The following ELF1 variants were observed in gnomAD, a reference collection of about 807,000 sequenced individuals.
ELF1 encodes E74 like ETS transcription factor 1.
ELF1 carries 24 observed loss-of-function variants against 59.9 expected under a neutral mutation model. The observed-to-expected ratio is 0.40, with a 90% CI of 0.29 to 0.56. The LOEUF (loss-of-function observed/expected upper bound fraction) is 0.56, where lower values mean the gene tolerates loss of function less well. ELF1 is among the 20% of genes least tolerant of loss of function. The probability of loss-of-function intolerance (pLI) is 0.44; values close to 1 mark genes in which losing one functional copy is unlikely to be tolerated. For missense variants in ELF1, 627 were observed against 742.2 expected, an observed-to-expected ratio of 0.84 and a Z score of 1.80; for synonymous variants, 248 against 266.2, an observed-to-expected ratio of 0.93 and a Z score of 0.67.
At chr13:41,031,250 T>C (rs1321156056) in intron 1 of ELF1, among the ~76,000 whole-genome samples, 1 of 152,188 alleles carries the variant, frequency 6.6e-6, no homozygotes, top group Non-Finnish European at 1.5e-5. Flanking sequence ...CTGTCAATTT[T>C]GTACAAGTCT....
At chr13:41,014,549 C>T (rs1875248141) in intron 1 of ELF1, among the ~76,000 whole-genome samples, 1 of 152,074 alleles carries the variant, frequency 6.6e-6, no homozygotes, top group Non-Finnish European at 1.5e-5. Context: ...TTATAGTATA[C>T]AGCTCATTTG....
chr13:40,943,207 A>G, intron 6 of ELF1, 63 bp from the exon 7 acceptor site: 1 of 1,389,204 alleles, frequency 7.2e-7, no homozygotes, highest in Non-Finnish European at 9.5e-7. Flanking sequence ...CTCAAAAAAG[A>G]CAACTAAAAG....
intron 1 of ELF1, among the ~76,000 whole-genome samples, chr13:40,985,623 C>G (rs1480924547): frequency 6.6e-5 from 10 of 152,142 alleles, no homozygotes; most frequent in Non-Finnish European, 1.5e-5. Context: ...AGTCACTAAA[C>G]TATAAGACAA....
At chr13:41,015,996 A>G (rs538761086) in intron 1 of ELF1, among the ~76,000 whole-genome samples, 1 of 152,328 alleles carries the variant, frequency 6.6e-6, no homozygotes, top group African/African-American at 2.4e-5. Flanking sequence ...ACTCTTCTTA[A>G]CATAGGTAAA....
chr13:41,051,996 A>C (rs963785290), intron 1 of ELF1, among the ~76,000 whole-genome samples: 1 of 143,020 alleles, frequency 7.0e-6, no homozygotes, highest in Non-Finnish European at 1.5e-5. Context: ...GCTAGAGTGC[A>C]ATGGCATGAT....
upstream of ELF1, among the ~76,000 whole-genome samples, chr13:41,019,549 T>A (rs1229126173): frequency 6.6e-6 from 1 of 152,088 alleles, no homozygotes; most frequent in African/African-American, 2.4e-5. Context: ...AACAATAAAA[T>A]AGAGTAAGAA....
chr13:40,933,474 G>A lies in ELF1; in HGVS notation c.1811C>T (p.Ser604Phe), dbSNP rs779275273. ...TTCGTTTTGTTTCATAGCTACCTGA[G>A]AAGTAAATCCATTGGAACTGGACAC... Reference protein sequence around the residue: ...MVVSSSNGFTSQVAMKQNELL... With the variant: ...MVVSSSNGFTFQVAMKQNELL... The change falls in exon 9 of 9, where the codon TCT becomes TTT. Residue 604 changes from serine to phenylalanine, a missense_variant. Coordinates refer to ENST00000239882, the MANE Select transcript of ELF1 (RefSeq NM_172373.4). 4 of 1,614,182 alleles carry A rather than the reference G, an allele frequency of 2.5e-6. No individual in the cohort carries two copies. In the South Asian group the frequency reaches 4.4e-5, roughly 18 times the overall value.
At chr13:40,986,938 T>TTTC in intron 1 of ELF1, among the ~76,000 whole-genome samples, 1 of 1,260 alleles carries the variant, frequency 7.9e-4, no homozygotes, top group South Asian at 0.015. Flanking sequence ...ATCATTGCTC[T>TTTC]TTTTTTTTTT....
intron 2 of ELF1, among the ~76,000 whole-genome samples, chr13:40,981,066 T>C (rs1024209251): frequency 5.9e-5 from 9 of 152,000 alleles, no homozygotes; most frequent in Admixed American, 1.3e-4. Context: ...GTAAGAATTT[T>C]ATTATTTGTA....
chr13:41,016,947 AATATATATATATATATATATAT>A (rs1276103107), intron 1 of ELF1, among the ~76,000 whole-genome samples: 9 of 24,738 alleles, frequency 3.6e-4, no homozygotes, highest in South Asian at 1.9e-3. Context: ...AAAAAAAAAA[AATATATATATATATATATATAT>A]ATATATATAT....
At chr13:41,024,488 T>C (rs1177947754) in intron 1 of ELF1, among the ~76,000 whole-genome samples, 3 of 152,284 alleles carry the variant, frequency 2.0e-5, no homozygotes, top group Admixed American at 6.5e-5. Context: ...AATGTGGTTA[T>C]TTTTTGTATT....
At chr13:40,955,871 C>T (rs1428688086) in intron 3 of ELF1, among the ~76,000 whole-genome samples, 2 of 121,178 alleles carry the variant, frequency 1.7e-5, no homozygotes, top group African/African-American at 3.4e-5. Context: ...CCCCTCCGCC[C>T]GGCCAGCCAC....
chr13:41,021,322 C>T (rs1314022096), upstream of ELF1, among the ~76,000 whole-genome samples: 1 of 152,170 alleles, frequency 6.6e-6, no homozygotes, highest in Non-Finnish European at 1.5e-5. Context: ...AATAATTACA[C>T]CTCTTCAACA....
At chr13:41,053,730 T>A (rs1877184443) in intron 1 of ELF1, among the ~76,000 whole-genome samples, 1 of 152,264 alleles carries the variant, frequency 6.6e-6, no homozygotes, top group African/African-American at 2.4e-5. Flanking sequence ...AAACATTTCC[T>A]GAGTTGCAGT....
intron 1 of ELF1, among the ~76,000 whole-genome samples, chr13:41,041,831 T>C (rs1326102542): frequency 1.3e-5 from 2 of 152,164 alleles, no homozygotes; most frequent in African/African-American, 4.8e-5. Flanking sequence ...TTTTTTACTT[T>C]CCAGATGATC....
chr13:41,044,442 CTCTT>C (rs1209715678), intron 1 of ELF1, among the ~76,000 whole-genome samples: 2 of 152,104 alleles, frequency 1.3e-5, no homozygotes, highest in African/African-American at 4.8e-5. Context: ...TCATAAATAG[CTCTT>C]ACTATTTTGA....
chr13:40,997,560 TTTTTC>T (rs1410036638), intron 1 of ELF1, among the ~76,000 whole-genome samples: 1 of 151,266 alleles, frequency 6.6e-6, no homozygotes, highest in Non-Finnish European at 1.5e-5. Flanking sequence ...CCGGCCATCT[TTTTTC>T]TTTTTTTTTA....
At chr13:41,006,324 G>GT (rs57608879) in intron 1 of ELF1, among the ~76,000 whole-genome samples, 27,551 of 152,042 alleles carry the variant, frequency 0.18, 2,685 homozygotes, top group African/African-American at 0.21. Context: ...GGAATAAGGA[G>GT]TAAGTGTTCC....
At chr13:41,020,124 C>G (rs919225223), upstream of ELF1, among the ~76,000 whole-genome samples, 20 of 152,202 alleles carry the variant, frequency 1.3e-4, 1 homozygote, top group Admixed American at 1.2e-3. Context: ...CACCCTGCTA[C>G]AGCTCCACTG....
Sources: gnomAD v4.1 joint callset for allele counts (sites outside exome capture counted in the v4.1 genomes callset) on GRCh38, gnomAD v4.1.1 for gene constraint, MANE v1.5 for transcripts, NCBI Gene and HGNC (gene_info 2026-07-23, HGNC 2026-07-21) for gene names.